The following PKP4 variants were observed in gnomAD, a reference collection of about 807,000 sequenced individuals.
PKP4 encodes plakophilin 4.
PKP4 carries 90 observed loss-of-function variants against 145.1 expected under a neutral mutation model. The observed-to-expected ratio is 0.62, with a 90% CI of 0.52 to 0.74. The LOEUF (loss-of-function observed/expected upper bound fraction) is 0.74. Ranked by LOEUF, PKP4 falls within the 30% of genes least tolerant of loss-of-function variation. PKP4 has a pLI of 0.00. For synonymous variants in PKP4, 563 were observed against 577.2 expected (o/e 0.98, Z 0.35); for missense variants, 1,340 against 1,482.7 (o/e 0.90, Z 1.58).
rs2056184283 is a variant in PKP4 at position 158,658,186 on chromosome 2, T to C, written c.1965T>C (p.Asp655=). 1 of 1,606,428 alleles carries C rather than the reference T, an allele frequency of 6.2e-7. No homozygotes were observed. The change falls in exon 12 of 22, where the codon GAT becomes GAC. Residue 655 remains aspartate, a synonymous_variant. Transcript: ENST00000389759. ...CDAVKMTIIR[D]ALSTLTNTVI... ...CTGTAAAAATGACAATCATTCGAGA[T>C]GCTCTCTCAACCTTAACAAACACTG... is the stretch of plus-strand genomic sequence containing the variant.
At chr2:158,580,328 C>T (rs1559351669) in intron 3 of PKP4, among the ~76,000 whole-genome samples, 1 of 152,054 alleles carries the variant, frequency 6.6e-6, no homozygotes, top group Non-Finnish European at 1.5e-5. Context: ...TGGCAAGTGA[C>T]TGTGGCACCA....
chr2:158,562,993 A>T (rs952299619), intron 2 of PKP4, among the ~76,000 whole-genome samples: 1 of 152,188 alleles, frequency 6.6e-6, no homozygotes, highest in Non-Finnish European at 1.5e-5. Context: ...AGAGTAAGCC[A>T]AAAAGCATCT....
intron 1 of PKP4, among the ~76,000 whole-genome samples, chr2:158,514,293 A>G (rs888336794): frequency 6.6e-6 from 1 of 152,222 alleles, no homozygotes; most frequent in Non-Finnish European, 1.5e-5. Flanking sequence ...GCGTATGGTT[A>G]GATTGCAGAA....
At chr2:158,514,864 C>G (rs768706200) in intron 1 of PKP4, among the ~76,000 whole-genome samples, 2 of 152,082 alleles carry the variant, frequency 1.3e-5, no homozygotes, top group Non-Finnish European at 2.9e-5. Context: ...TTACTTAAAC[C>G]CAGGAAGCAG....
At chr2:158,491,093 T>A (rs976403560) in intron 1 of PKP4, among the ~76,000 whole-genome samples, 2 of 152,208 alleles carry the variant, frequency 1.3e-5, no homozygotes, top group African/African-American at 4.8e-5. Flanking sequence ...CTGGGTGGTG[T>A]CTGTGTTAGC....
At chr2:158,638,901 T>C (rs1310883223) in intron 9 of PKP4, among the ~76,000 whole-genome samples, 1 of 152,188 alleles carries the variant, frequency 6.6e-6, no homozygotes, top group Middle Eastern at 3.2e-3. Flanking sequence ...TTTTGTATTC[T>C]AGGGCATTCT....
At chr2:158,551,928 G>A (rs1323503840) in intron 2 of PKP4, among the ~76,000 whole-genome samples, 1 of 152,176 alleles carries the variant, frequency 6.6e-6, no homozygotes, top group South Asian at 2.1e-4. Flanking sequence ...TAAACTGATT[G>A]TGGGAGGCAG....
At chr2:158,550,048 C>A (rs563327925) in intron 2 of PKP4, among the ~76,000 whole-genome samples, 10 of 139,526 alleles carry the variant, frequency 7.2e-5, no homozygotes, top group Admixed American at 5.7e-4. Context: ...AGATCAAAAT[C>A]TCACTCTCCT....
At chr2:158,634,341 C>T in intron 9 of PKP4, 52 bp downstream of exon 9, 2 of 1,437,110 alleles carry the variant, frequency 1.4e-6, no homozygotes, top group East Asian at 2.3e-5. Flanking sequence ...AGGAGTCAGC[C>T]AGTTCCTCCA....
rs148157400 is a variant in PKP4, at chr2:158,673,722, A to C, written c.2970A>C (p.Thr990=). Residue 990 remains threonine (T), a synonymous_variant, in exon 18 of 22, where the codon ACA becomes ACC. Transcript: ENST00000389759. ...VVKAAAQVLN[T]LWQYRDLRSI... Reference sequence around the variant, plus strand: ...AGGCAGCAGCCCAGGTCTTGAATACATTATGGCAATATCGGGACCTCCGGA... The same window carrying C: ...AGGCAGCAGCCCAGGTCTTGAATACCTTATGGCAATATCGGGACCTCCGGA... The C allele has an allele frequency of 5.6e-6, 9 of 1,613,480 alleles. No individual in the cohort carries two copies. In the African/African-American group the frequency reaches 1.2e-4, roughly 22 times the overall value.
At chr2:158,513,184 T>G (rs115791459) in intron 1 of PKP4, among the ~76,000 whole-genome samples, 3,078 of 152,334 alleles carry the variant, frequency 0.02, 57 homozygotes, top group Non-Finnish European at 0.031. Context: ...TGTTCCTTGA[T>G]GATAGGTTAG....
chr2:158,462,224 A>T (rs1689879451), intron 1 of PKP4, among the ~76,000 whole-genome samples: 1 of 152,190 alleles, frequency 6.6e-6, no homozygotes, highest in South Asian at 2.1e-4. Flanking sequence ...AAATTAGGAG[A>T]TCTGCCATTA....
intron 2 of PKP4, among the ~76,000 whole-genome samples, chr2:158,545,730 G>T (rs1331065765): frequency 6.6e-6 from 1 of 152,092 alleles, no homozygotes; most frequent in Non-Finnish European, 1.5e-5. Flanking sequence ...CTGATGATGA[G>T]ATTTCACATG....
chr2:158,619,084 A>G (rs913405197), intron 4 of PKP4, among the ~76,000 whole-genome samples: 1 of 152,224 alleles, frequency 6.6e-6, no homozygotes, highest in African/African-American at 2.4e-5. Flanking sequence ...TGACTGCTGC[A>G]TAGCTCTGAT....
rs553655147 is a variant in PKP4, at chr2:158,504,941, G to A, written c.-5-28239G>A. 6.6e-5 allele frequency among the ~76,000 whole-genome samples: 10 copies of A among 152,268 alleles called. No homozygotes were observed. The South Asian group carries it at 1.2e-3, about 19-fold the overall frequency. ...TGCTTAGATAATGGATAAGAGTTAC[G>A]GTAGATTGCCAAGCCATCTGTTTGT... On this transcript the variant is annotated intron_variant, in intron 1 of 21. Transcript: ENST00000389759.
chr2:158,548,096 A>C (rs183170290), intron 2 of PKP4, among the ~76,000 whole-genome samples: 96 of 152,328 alleles, frequency 6.3e-4, no homozygotes, highest in African/African-American at 2.2e-3. Flanking sequence ...GGATTCAGAC[A>C]ATTAACTGCC....
intron 2 of PKP4, among the ~76,000 whole-genome samples, chr2:158,537,096 C>A (rs1157739449): frequency 6.6e-6 from 1 of 152,100 alleles, no homozygotes; most frequent in African/African-American, 2.4e-5. Context: ...CACCAACTTG[C>A]GGTTTTATTA....
At chr2:158,531,830 T>A (rs1181058081) in intron 1 of PKP4, among the ~76,000 whole-genome samples, 1 of 152,160 alleles carries the variant, frequency 6.6e-6, no homozygotes, top group Admixed American at 6.5e-5. Flanking sequence ...AAATGAGAGA[T>A]TGAGAATTCA....
chr2:158,646,944 C>T (rs1449913218), intron 11 of PKP4, among the ~76,000 whole-genome samples: 1 of 152,186 alleles, frequency 6.6e-6, no homozygotes, highest in Non-Finnish European at 1.5e-5. Flanking sequence ...TACAGACCCT[C>T]AGGAGGTCAT....
Sources: gnomAD v4.1 joint callset for allele counts (sites outside exome capture counted in the v4.1 genomes callset) on GRCh38, gnomAD v4.1.1 for gene constraint, MANE v1.5 for transcripts, NCBI Gene and HGNC (gene_info 2026-07-23, HGNC 2026-07-21) for gene names.